The following KHSRP variants were observed in gnomAD, a reference collection of about 807,000 sequenced individuals.
The protein encoded by KHSRP is far upstream element-binding protein 2.
KHSRP carries 13 observed loss-of-function variants against 94.9 expected under a neutral mutation model. The observed-to-expected ratio is 0.14, with a 90% CI of 0.09 to 0.22. KHSRP has a LOEUF of 0.22. Among genes scored for constraint, KHSRP ranks in the 10% least tolerant of loss-of-function variants. The probability of loss-of-function intolerance (pLI) is 1.00; values close to 1 mark genes in which losing one functional copy is unlikely to be tolerated. For missense variants in KHSRP, 710 were observed against 1,010.0 expected, an observed-to-expected ratio of 0.70 and a Z score of 4.03; for synonymous variants, 495 against 401.4, an observed-to-expected ratio of 1.23 and a Z score of -2.79.
chr19:6,413,955 GCCC>G lies in KHSRP; in HGVS notation c.*1066_*1068del. On this transcript the variant is annotated 3_prime_UTR_variant, in exon 19 of 19. Transcript: ENST00000600480. Reference sequence around the variant, plus strand: ...AGGCGAGAGAGTGAGGGCCCGGCATGCCCCCAAGTCCCCCCCACCCTGCTTGCC... The same window carrying G: ...AGGCGAGAGAGTGAGGGCCCGGCATGCCAAGTCCCCCCCACCCTGCTTGCC... 1.1e-6 allele frequency: 1 copy of G among 873,532 alleles called. No homozygotes were observed. The highest frequency in any genetic ancestry group is 1.7e-6 in the Non-Finnish European group (1 of 597,878). The allele number at this position is 873,532 out of a possible 1,614,324, so 54.1% of individuals were successfully genotyped here. A position where few individuals can be genotyped will look rare whatever the true frequency, so the allele number is the denominator to read the frequency against.
rs2092149643 is a variant in KHSRP at position 6,416,763 on chromosome 19, G to A, written c.1302C>T (p.His434=). ...GGEMTFSIPT[H]KCGLVIGRGG... ...CTCGGCCGATGACCAGCCCACACTTGTGAGTGGGGATGGAGAAGGTCATCT... is the reference window on the plus strand; with the variant it reads ...CTCGGCCGATGACCAGCCCACACTTATGAGTGGGGATGGAGAAGGTCATCT... The change falls in exon 13 of 19, where the codon CAC becomes CAT. Residue 434 remains histidine (H), a synonymous_variant. Coordinates refer to ENST00000600480, the MANE Select transcript of KHSRP (RefSeq NM_001366299.1). The A allele has an allele frequency of 6.3e-7, 1 of 1,595,664 alleles. No individual in the cohort carries two copies. Among genetic ancestry groups the A allele is most frequent in the African/African-American group, 1.3e-5 (1 of 74,252 alleles).
chr19:6,418,122 GCCCCACACCC>G lies in KHSRP; in HGVS notation c.880-53_880-44del, dbSNP rs1329698049. 5 of 1,554,810 alleles carry G rather than the reference GCCCCACACCC, an allele frequency of 3.2e-6. No individual in the cohort carries two copies. Among genetic ancestry groups the G allele is most frequent in the African/African-American group, 2.7e-5 (2 of 73,660 alleles). On this transcript the variant is annotated intron_variant, in intron 9 of 18. Coordinates refer to ENST00000600480, the MANE Select transcript of KHSRP (RefSeq NM_001366299.1). This position sits in a 1 kb window ranked among gnomAD's most constrained non-coding sequence, Gnocchi z 4.3. Reference sequence around the variant, plus strand: ...GCAGCCCCCATGGGTGAGCCCTGCTGCCCCACACCCCCCCACCTCCTCGGGGGTGCGGGCC... The same window carrying G: ...GCAGCCCCCATGGGTGAGCCCTGCTGCCCCACCTCCTCGGGGGTGCGGGCC...
At chr19:6,424,381 CA>C in intron 1 of KHSRP, 71 bp downstream of exon 1, 1 of 810,402 alleles carries the variant, frequency 1.2e-6, no homozygotes, top group Non-Finnish European at 1.5e-6. Flanking sequence ...CGCGCGCGCG[CA>C]CGTGACCCCC....
At position 6,424,740 on chromosome 19, in the gene KHSRP, G is replaced by T; in HGVS notation, c.-39C>A. The T allele has an allele frequency of 2.1e-6, 2 of 955,788 alleles. No homozygotes were observed. Among genetic ancestry groups the T allele is most frequent in the Non-Finnish European group, 2.5e-6 (2 of 786,320 alleles). 59.2% of individuals were successfully genotyped at this position (955,788 alleles called of 1,614,324 possible). A position where few individuals can be genotyped will look rare whatever the true frequency, so the allele number is the denominator to read the frequency against. On this transcript the variant is annotated 5_prime_UTR_variant, in exon 1 of 19. Transcript: ENST00000600480. ...CGGGCCTGGCGCGGAGGCTGAAGCTGAGGAGGCGGCGGCGGCGGCGGCGGC... is the reference window on the plus strand; with the variant it reads ...CGGGCCTGGCGCGGAGGCTGAAGCTTAGGAGGCGGCGGCGGCGGCGGCGGC...
chr19:6,416,942 C>A (rs1568342344), intron 12 of KHSRP, 45 bp downstream of exon 12: 10 of 1,613,348 alleles, frequency 6.2e-6, no homozygotes, highest in Non-Finnish European at 8.5e-6. Flanking sequence ...GTCTTGCACT[C>A]CCCTGGAGGC....
rs1186900755 is a variant in KHSRP, at chr19:6,416,827, C to T, written c.1238G>A (p.Arg413Gln). The T allele has an allele frequency of 6.3e-7, 1 of 1,587,034 alleles. No individual in the cohort carries two copies. The highest frequency in any genetic ancestry group is 8.6e-7 in the Non-Finnish European group (1 of 1,167,554). Residue 413 changes from arginine to glutamine, a missense_variant, in exon 13 of 19, where the codon CGA (arginine) becomes CAA (glutamine). By Grantham distance (43) the Arg-to-Gln change is conservative. Coordinates refer to ENST00000600480, the MANE Select transcript of KHSRP (RefSeq NM_001366299.1). ...ACCCCAATTGCCTTGGCCTCTTCCT[C>T]GGCCTCGGCCCCCCGGGGGCATGCC... Reference protein sequence around the residue: ...GPGMPPGGRGRGRGQGNWGPP... With the variant: ...GPGMPPGGRGQGRGQGNWGPP...
At position 6,424,669 on chromosome 19, in the gene KHSRP, G is replaced by A; in HGVS notation, c.33C>T (p.Pro11=). 4 of 1,023,840 alleles carry A rather than the reference G, an allele frequency of 3.9e-6. No individual in the cohort carries two copies. Among genetic ancestry groups the A allele is most frequent in the African/African-American group, 1.7e-5 (1 of 57,304 alleles). 63.4% of individuals were successfully genotyped at this position (1,023,840 alleles called of 1,614,324 possible). The change falls in exon 1 of 19, where the codon CCC becomes CCT. Residue 11 remains proline (P), a synonymous_variant. Transcript: ENST00000600480. ...CCCCGCCGGCGGGCGGCGGCGGCCC[G>A]GGCGGGGGTCCTCCCGTGCTGTAGT... The part of the protein sequence containing the change: MSDYSTGGPP[P]GPPPPAGGGG...
intron 6 of KHSRP, among the ~76,000 whole-genome samples, 171 bp downstream of exon 6, chr19:6,419,902 G>A (rs1402691467): frequency 6.6e-6 from 1 of 152,234 alleles, no homozygotes; most frequent in Admixed American, 6.5e-5. Flanking sequence ...GCTGTGCCCC[G>A]TGGGCAGTAC....
chr19:6,414,558 G>T lies in KHSRP; in HGVS notation c.*466C>A. 9.8e-7 allele frequency: 1 copy of T among 1,021,716 alleles called. No individual in the cohort carries two copies. Among genetic ancestry groups the T allele is most frequent in the Non-Finnish European group, 1.2e-6 (1 of 854,096 alleles). 63.3% of individuals were successfully genotyped at this position (1,021,716 alleles called of 1,614,324 possible). On this transcript the variant is annotated 3_prime_UTR_variant, in exon 19 of 19. Coordinates refer to ENST00000600480, the MANE Select transcript of KHSRP (RefSeq NM_001366299.1). ...ACAAGCCCGGGACACAGGCAAGCGC[G>T]AGCGCATGGGAGGCTGAGCCCGGCG...
intron 17 of KHSRP, 24 bp downstream of exon 17, chr19:6,415,510 C>G (rs1391836243): frequency 7.8e-6 from 12 of 1,546,584 alleles, no homozygotes; most frequent in Middle Eastern, 1.7e-4. Context: ...GGGCTGGAGC[C>G]CCCCCGCCAC....
intron 7 of KHSRP, 139 bp downstream of exon 7, chr19:6,419,064 A>G: frequency 9.0e-7 from 1 of 1,109,610 alleles, no homozygotes; most frequent in Non-Finnish European, 1.3e-6. Flanking sequence ...AATCAGCCTC[A>G]TGTTAACATG....
In KHSRP at chr19:6,421,527, C is replaced by A. The variant is rs1459418455; in HGVS notation, c.385+123G>T. 4 of 1,184,062 alleles carry A rather than the reference C, an allele frequency of 3.4e-6. No individual in the cohort carries two copies. In the East Asian group the frequency reaches 9.3e-5, roughly 28 times the overall value. The allele number at this position is 1,184,062 out of a possible 1,614,324, so 73.3% of individuals were successfully genotyped here. On this transcript the variant is annotated intron_variant, in intron 3 of 18. Coordinates refer to ENST00000600480, the MANE Select transcript of KHSRP (RefSeq NM_001366299.1). ...CTGGGATCCCTCAAACGTATGGGCC[C>A]CAGAATGAAGCACCAGGGGCCTCTG...
chr19:6,415,501 G>T (rs1387959907), intron 17 of KHSRP, 33 bp downstream of exon 17: 2 of 1,548,654 alleles, frequency 1.3e-6, no homozygotes, highest in Non-Finnish European at 8.7e-7. Flanking sequence ...CCCCCGGCAG[G>T]GCTGGAGCCC....
rs1176546645 is a variant in KHSRP, at chr19:6,415,936, G to C, written c.1599-40C>G. The C allele has an allele frequency of 5.3e-6, 7 of 1,317,794 alleles. No homozygotes were observed. In the African/African-American group the frequency reaches 8.9e-5, roughly 17 times the overall value. 81.6% of individuals were successfully genotyped at this position (1,317,794 alleles called of 1,614,324 possible). ...AAAGGGATGCTTGAGCAGTGGTGCG[G>C]GGGTGGCCGCAGCCGGACCACCTGG... is the stretch of plus-strand genomic sequence containing the variant. On this transcript the variant is annotated intron_variant, in intron 15 of 18. Transcript: ENST00000600480.
At chr19:6,422,519 C>T in intron 1 of KHSRP, 83 bp from the exon 2 acceptor site, 2 of 1,004,800 alleles carry the variant, frequency 2.0e-6, no homozygotes, top group Non-Finnish European at 3.1e-6. Flanking sequence ...AGAACATCTC[C>T]TGGACACGAA....
At chr19:6,415,921 T>C in intron 15 of KHSRP, 25 bp from the exon 16 acceptor site, 9 of 1,431,530 alleles carry the variant, frequency 6.3e-6, no homozygotes, top group Non-Finnish European at 8.4e-6. Flanking sequence ...AAAGGGATGC[T>C]TGAGCAGTGG....
intron 3 of KHSRP, 93 bp downstream of exon 3, chr19:6,421,557 G>C: frequency 7.1e-7 from 1 of 1,403,738 alleles, no homozygotes; most frequent in Non-Finnish European, 1.0e-6. Flanking sequence ...CCTCTGTAAA[G>C]AGCTGCCACC....
chr19:6,418,839 C>A lies in KHSRP; in HGVS notation c.643G>T (p.Gly215Cys). Residue 215 changes from glycine to cysteine, a missense_variant, in exon 8 of 19, where the codon GGT becomes TGT. Transcript: ENST00000600480. The surrounding 1 kb of genome is among the most constrained non-coding windows in gnomAD (Gnocchi z 4.3). ...AACTGTCCTGGGGGGCCCCCACGAC[C>A]CCGAGACACAATGTCATCCAGCATC... The part of the protein sequence containing the change: ...KMMLDDIVSR[G>C]RGGPPGQFHD... 6.4e-7 allele frequency: 1 copy of A among 1,560,780 alleles called. No homozygotes were observed. Among genetic ancestry groups the A allele is most frequent in the Non-Finnish European group, 8.6e-7 (1 of 1,158,608 alleles).
rs955902648 is a variant in KHSRP, at chr19:6,419,270, G to A, written c.548-10C>T. ...GGTAGGCCACCGCTGTCTGAAAAGA[G>A]GAGATAGAGTCAGTGCCCTCCCTGG... On this transcript the variant is annotated splice_polypyrimidine_tract_variant and intron_variant, in intron 6 of 18. Transcript: ENST00000600480. 11 of 1,563,380 alleles carry A rather than the reference G, an allele frequency of 7.0e-6. No homozygotes were observed. Among genetic ancestry groups the A allele is most frequent in the Middle Eastern group, 1.7e-4 (1 of 6,016 alleles).
Sources: gnomAD v4.1 joint callset for allele counts (sites outside exome capture counted in the v4.1 genomes callset) on GRCh38, gnomAD v4.1.1 for gene constraint, Gnocchi (gnomAD v3.1) non-coding constraint, MANE v1.5 for transcripts, NCBI Gene and HGNC (gene_info 2026-07-23, HGNC 2026-07-21) for gene names.